Variants in GNAL observed in about 807,000 individuals in gnomAD.
GNAL encodes the protein guanine nucleotide-binding protein G(olf) subunit alpha.
GNAL carries 18 observed loss-of-function variants against 55.1 expected under a neutral mutation model. The observed-to-expected ratio is 0.33, with a 90% CI of 0.23 to 0.48. The LOEUF is 0.48. GNAL is among the 20% of genes least tolerant of loss of function. The pLI is 0.99. For synonymous variants in GNAL, 253 were observed against 237.0 expected, an observed-to-expected ratio of 1.07 and a Z score of -0.62; for missense variants, 412 against 614.1, an observed-to-expected ratio of 0.67 and a Z score of 3.48.
At chr18:11,742,440 T>TA (rs556703840) in intron 1 of GNAL, among the ~76,000 whole-genome samples, 1 of 152,220 alleles carries the variant, frequency 6.6e-6, no homozygotes, top group Non-Finnish European at 1.5e-5. Context: ...GGAGTACTGT[T>TA]ACCCTCACCC....
intron 1 of GNAL, among the ~76,000 whole-genome samples, chr18:11,708,903 C>T (rs2143352147): frequency 6.6e-6 from 1 of 152,242 alleles, no homozygotes; most frequent in Admixed American, 6.5e-5. Flanking sequence ...AAACTTTTTT[C>T]CTATATTTTC....
At chr18:11,750,009 A>G (rs1298163896) in intron 1 of GNAL, among the ~76,000 whole-genome samples, 1 of 152,210 alleles carries the variant, frequency 6.6e-6, no homozygotes, top group Non-Finnish European at 1.5e-5. Context: ...TGCAAGGTGC[A>G]CTGAAATGAG....
At chr18:11,788,456 C>T (rs77739529) in intron 4 of GNAL, among the ~76,000 whole-genome samples, 6 of 152,172 alleles carry the variant, frequency 3.9e-5, no homozygotes, top group African/African-American at 1.4e-4. Flanking sequence ...GCCCCCACCC[C>T]ATTTTCTCTG....
chr18:11,707,598 A>G (rs1303771521), intron 1 of GNAL, among the ~76,000 whole-genome samples: 2 of 152,194 alleles, frequency 1.3e-5, no homozygotes. Flanking sequence ...ATGAGCATTG[A>G]TTTCAACTTA....
At chr18:11,878,826 C>T (rs946455553) in intron 11 of GNAL, among the ~76,000 whole-genome samples, 3 of 152,046 alleles carry the variant, frequency 2.0e-5, no homozygotes, top group Non-Finnish European at 4.4e-5. Flanking sequence ...CCTCCACCTC[C>T]CAAAGTGCTG....
chr18:11,778,098 C>T (rs184145404), intron 4 of GNAL, among the ~76,000 whole-genome samples: 5 of 152,256 alleles, frequency 3.3e-5, no homozygotes, highest in Non-Finnish European at 5.9e-5. Flanking sequence ...ATGTGCTCTT[C>T]GGAGAGGGAC....
intron 4 of GNAL, among the ~76,000 whole-genome samples, chr18:11,757,390 T>C (rs1468684505): frequency 6.6e-6 from 1 of 152,124 alleles, no homozygotes; most frequent in Non-Finnish European, 1.5e-5. Flanking sequence ...TCAAGATCAC[T>C]CTGGCTGTGG....
chr18:11,732,098 GT>G (rs2032352637), intron 1 of GNAL, among the ~76,000 whole-genome samples: 1 of 152,124 alleles, frequency 6.6e-6, no homozygotes, highest in Admixed American at 6.5e-5. Context: ...ACATTTGCGT[GT>G]TTCTGCTTCT....
At position 11,868,750 on chromosome 18, in the gene GNAL, C is replaced by A; in HGVS notation, c.1031+87C>A. 1.8e-6 allele frequency: 2 copies of A among 1,116,404 alleles called. No homozygotes were observed. Among genetic ancestry groups the A allele is most frequent in the Non-Finnish European group, 2.6e-6 (2 of 775,410 alleles). The allele number at this position is 1,116,404 out of a possible 1,614,324, so 69.2% of individuals were successfully genotyped here. ...CGCTCAGGCCAGGCGTTGTGGCTCA[C>A]ACCTGTAATCTCAACACTGGGAGGC... is the stretch of plus-strand genomic sequence containing the variant. On this transcript the variant is annotated intron_variant, in intron 9 of 11. Transcript: ENST00000334049. The surrounding 1 kb of genome is among the most constrained non-coding windows in gnomAD (Gnocchi z 4.0).
chr18:11,872,129 A>G (rs2143888844), intron 9 of GNAL, 139 bp from the exon 10 acceptor site: 1 of 602,720 alleles, frequency 1.7e-6, no homozygotes, highest in East Asian at 3.0e-5. Context: ...GAATGAGGAT[A>G]CTGGTGTACT....
intron 1 of GNAL, among the ~76,000 whole-genome samples, chr18:11,718,025 A>G (rs1275645778): frequency 6.6e-6 from 1 of 152,238 alleles, no homozygotes; most frequent in Non-Finnish European, 1.5e-5. Flanking sequence ...GTATCTTCAT[A>G]TTACATGACA....
In GNAL at chr18:11,850,123, G is replaced by A. The variant is rs529036103; in HGVS notation, c.723-12272G>A. 1.2e-4 allele frequency among the ~76,000 whole-genome samples: 19 copies of A among 152,310 alleles called. No individual in the cohort carries two copies. The South Asian group carries it at 3.5e-3, about 28-fold the overall frequency. On this transcript the variant is annotated intron_variant, in intron 5 of 11. Transcript: ENST00000334049. The stretch of plus-strand genomic sequence containing the variant: ...GAACAGCATAGCCACAGGACCGGGC[G>A]TCAGTCACATTCTCCCCGCTGGCCG...
intron 5 of GNAL, among the ~76,000 whole-genome samples, chr18:11,839,639 G>A (rs990803593): frequency 2.0e-5 from 3 of 151,684 alleles, no homozygotes; most frequent in Non-Finnish European, 4.4e-5. Context: ...TCACAATTGG[G>A]CAAAAAGTGG....
intron 1 of GNAL, among the ~76,000 whole-genome samples, chr18:11,730,021 TTTTTCTTTTC>T (rs960669560): frequency 1.3e-5 from 2 of 151,846 alleles, no homozygotes; most frequent in Non-Finnish European, 1.5e-5. Context: ...AAGAGTTAAG[TTTTTCTTTTC>T]TTTTCTTTTC....
At chr18:11,780,709 A>G (rs2033904166) in intron 4 of GNAL, among the ~76,000 whole-genome samples, 1 of 152,212 alleles carries the variant, frequency 6.6e-6, no homozygotes, top group Admixed American at 6.5e-5. Flanking sequence ...TACCAAACTC[A>G]TGGAGTTACA....
At chr18:11,732,013 A>G (rs750271051) in intron 1 of GNAL, among the ~76,000 whole-genome samples, 4 of 151,966 alleles carry the variant, frequency 2.6e-5, no homozygotes, top group Non-Finnish European at 5.9e-5. Context: ...ATACATCTCT[A>G]CTTCATTCCT....
At chr18:11,856,428 C>A (rs1324818620) in intron 5 of GNAL, among the ~76,000 whole-genome samples, 1 of 151,228 alleles carries the variant, frequency 6.6e-6, no homozygotes, top group African/African-American at 2.5e-5. Context: ...CTGATAGTGC[C>A]TCGAGCTTTC....
chr18:11,867,436 T>C (rs940343939), intron 8 of GNAL, among the ~76,000 whole-genome samples: 2 of 152,030 alleles, frequency 1.3e-5, no homozygotes, highest in Admixed American at 6.6e-5. Context: ...CCCAGCACCT[T>C]GGGAGGCCAA....
intron 4 of GNAL, among the ~76,000 whole-genome samples, chr18:11,783,060 T>A (rs2033963967): frequency 6.6e-6 from 1 of 152,232 alleles, no homozygotes; most frequent in Non-Finnish European, 1.5e-5. Context: ...ACTAACTCTG[T>A]CATTCTGTAA....
Sources: gnomAD v4.1 joint callset for allele counts (sites outside exome capture counted in the v4.1 genomes callset) on GRCh38, gnomAD v4.1.1 for gene constraint, Gnocchi (gnomAD v3.1) non-coding constraint, MANE v1.5 for transcripts, NCBI Gene and HGNC (gene_info 2026-07-23, HGNC 2026-07-21) for gene names.